PRRX2: variants seen among roughly 807,000 people sequenced by gnomAD.
The protein encoded by PRRX2 is paired related homeobox 2.
PRRX2 carries 11 observed loss-of-function variants against 18.0 expected under a neutral mutation model. That is an observed-to-expected ratio of 0.61 (90% CI 0.39 to 1.01). PRRX2 has a LOEUF of 1.01. Among genes scored for constraint, PRRX2 ranks in the 50% least tolerant of loss-of-function variants. PRRX2 has a pLI of 0.01. For missense variants in PRRX2, 387 were observed against 351.0 expected (o/e 1.10, Z -0.82); for synonymous variants, 177 against 154.8 (o/e 1.14, Z -1.06).
At chr9:129,719,486 G>A in intron 2 of PRRX2, 68 bp downstream of exon 2, 11 of 1,405,422 alleles carry the variant, frequency 7.8e-6, no homozygotes, top group Middle Eastern at 2.6e-4. Flanking sequence ...TGTTCACCCG[G>A]GATTACACAG....
At chr9:129,713,552 G>A (rs2130932194) in intron 1 of PRRX2, among the ~76,000 whole-genome samples, 2 of 152,338 alleles carry the variant, frequency 1.3e-5, no homozygotes, top group East Asian at 3.9e-4. Context: ...GGTAGAAGAG[G>A]GAGGAGGCCC....
rs76445215 is a variant in PRRX2 at position 129,701,739 on chromosome 9, A to G, written c.260-17492A>G. The stretch of plus-strand genomic sequence containing the variant: ...AGCTAGATACATGTGGACATGCAAC[A>G]AAAAGTATGCAAAGAATTAAACAGA... On this transcript the variant is annotated intron_variant, in intron 1 of 3. Transcript: ENST00000372469. 1.3e-3 allele frequency among the ~76,000 whole-genome samples: 196 copies of G among 152,372 alleles called. 1 individual carries two copies. Among genetic ancestry groups the G allele is most frequent in the African/African-American group, 4.5e-3 (187 of 41,586 alleles).
At chr9:129,670,355 A>G (rs913494237) in intron 1 of PRRX2, among the ~76,000 whole-genome samples, 12 of 151,980 alleles carry the variant, frequency 7.9e-5, no homozygotes, top group Admixed American at 5.9e-4. Context: ...GCTGCATTCT[A>G]TGGTAGTTCT....
chr9:129,698,536 G>A (rs1266265107), intron 1 of PRRX2, among the ~76,000 whole-genome samples: 1 of 152,212 alleles, frequency 6.6e-6, no homozygotes, highest in African/African-American at 2.4e-5. Flanking sequence ...TTCCGGAAAA[G>A]GGGAGCTGGG....
chr9:129,692,652 T>C (rs778834558), intron 1 of PRRX2, among the ~76,000 whole-genome samples: 2 of 152,246 alleles, frequency 1.3e-5, no homozygotes, highest in Admixed American at 6.5e-5. Context: ...AATCATACAG[T>C]ATGTAGCCTC....
chr9:129,672,894 A>G (rs1321008794), intron 1 of PRRX2, among the ~76,000 whole-genome samples: 8 of 149,754 alleles, frequency 5.3e-5, no homozygotes, highest in Non-Finnish European at 3.0e-5. Flanking sequence ...TCATTCATTC[A>G]TTCATTCATT....
intron 1 of PRRX2, among the ~76,000 whole-genome samples, chr9:129,704,929 A>G (rs1448056940): frequency 6.6e-6 from 1 of 152,224 alleles, no homozygotes; most frequent in Non-Finnish European, 1.5e-5. Flanking sequence ...GGCCCTGAGC[A>G]GAAAACTTCA....
At chr9:129,678,049 C>T (rs56117756) in intron 1 of PRRX2, among the ~76,000 whole-genome samples, 7,473 of 150,764 alleles carry the variant, frequency 0.05, 270 homozygotes, top group African/African-American at 0.095. Flanking sequence ...CTACAACCTC[C>T]GCCTCCAGGG....
intron 2 of PRRX2, 142 bp downstream of exon 2, chr9:129,719,560 GC>G (rs777239900): frequency 2.8e-5 from 31 of 1,109,514 alleles, no homozygotes; most frequent in Non-Finnish European, 3.7e-5. Flanking sequence ...TCAGATCCCA[GC>G]CCTGCCACTT....
intron 1 of PRRX2, among the ~76,000 whole-genome samples, chr9:129,667,557 A>G: frequency 6.6e-6 from 1 of 151,738 alleles, no homozygotes; most frequent in Non-Finnish European, 1.5e-5. Flanking sequence ...CAAGGAAAGG[A>G]GAGAGAGAGG....
intron 1 of PRRX2, among the ~76,000 whole-genome samples, chr9:129,705,615 A>G (rs1832547909): frequency 6.7e-6 from 1 of 150,168 alleles, no homozygotes; most frequent in Non-Finnish European, 1.5e-5. Context: ...TCGGCCTCCC[A>G]AAGTGCTGGG....
In PRRX2 at chr9:129,711,461, A is replaced by G. The variant is rs188793565; in HGVS notation, c.260-7770A>G. ...TGCTTCGTTGCCCAGGCTGGAGTGC[A>G]GTGACATGATCTCGGCTCACTGCAA... On this transcript the variant is annotated intron_variant, in intron 1 of 3. Coordinates refer to ENST00000372469, the MANE Select transcript of PRRX2 (RefSeq NM_016307.4). 1.0e-3 allele frequency among the ~76,000 whole-genome samples: 138 copies of G among 131,490 alleles called. 6 individuals carry two copies. The East Asian group carries it at 0.027, about 25-fold the overall frequency. The allele number at this position is 131,490 out of a possible 152,430, so 86.3% of individuals were successfully genotyped here. A position where few individuals can be genotyped will look rare whatever the true frequency, so the allele number is the denominator to read the frequency against.
Position 129,675,909 on chromosome 9 carries a change from TAGACTAACAAATAA to T in PRRX2, c.259+9784_259+9797del, listed in dbSNP as rs1201978658. 6.6e-6 allele frequency among the ~76,000 whole-genome samples: 1 copy of T among 152,134 alleles called. No homozygotes were observed. Among genetic ancestry groups the T allele is most frequent in the Non-Finnish European group, 1.5e-5 (1 of 68,012 alleles). On this transcript the variant is annotated intron_variant, in intron 1 of 3. Transcript: ENST00000372469. This position sits in a 1 kb window ranked among gnomAD's most constrained non-coding sequence, Gnocchi z 4.4. ...TGAAAGCCAGTGCACCTCCTTTCAT[TAGACTAACAAATAA>T]CGCGTAACAGAAAACAGCTGTTAAC...
At chr9:129,703,857 T>C (rs965545666) in intron 1 of PRRX2, among the ~76,000 whole-genome samples, 1 of 152,116 alleles carries the variant, frequency 6.6e-6, no homozygotes, top group Non-Finnish European at 1.5e-5. Context: ...CAGCGATGTT[T>C]AAAGTTGAGC....
intron 1 of PRRX2, among the ~76,000 whole-genome samples, chr9:129,704,549 C>G (rs560265616): frequency 5.3e-5 from 8 of 152,270 alleles, no homozygotes; most frequent in African/African-American, 1.9e-4. Context: ...AACCCGGGAA[C>G]AGAGATGGGA....
rs142417382 is a variant in PRRX2, at chr9:129,722,453, G to A, written c.*101G>A. ...ACCTTCTCCTGGATGAGCTCTCCTGGCCCGTCTGTCCAGCCTGGACTCCCG... is the reference window on the plus strand; with the variant it reads ...ACCTTCTCCTGGATGAGCTCTCCTGACCCGTCTGTCCAGCCTGGACTCCCG... On this transcript the variant is annotated 3_prime_UTR_variant, in exon 4 of 4. Transcript: ENST00000372469. The A allele has an allele frequency of 2.4e-3, 3,478 of 1,438,506 alleles. 65 individuals carry two copies. The East Asian group carries it at 0.035, about 14-fold the overall frequency. The allele number at this position is 1,438,506 out of a possible 1,614,324, so 89.1% of individuals were successfully genotyped here.
At chr9:129,668,938 G>A (rs540710666) in intron 1 of PRRX2, among the ~76,000 whole-genome samples, 60 of 151,950 alleles carry the variant, frequency 3.9e-4, no homozygotes, top group African/African-American at 1.2e-3. Context: ...CACAAGGTCA[G>A]GAGTTCAAGA....
intron 1 of PRRX2, among the ~76,000 whole-genome samples, chr9:129,713,945 C>T (rs1157521549): frequency 6.6e-6 from 1 of 151,706 alleles, no homozygotes; most frequent in Non-Finnish European, 1.5e-5. Context: ...ACCTGGCCAA[C>T]AGACATCGAT....
At chr9:129,700,658 C>G (rs1455178675) in intron 1 of PRRX2, among the ~76,000 whole-genome samples, 1 of 151,714 alleles carries the variant, frequency 6.6e-6, no homozygotes, top group Admixed American at 6.6e-5. Context: ...GAACCTGTCA[C>G]CCAGGCTGGA....
Sources: gnomAD v4.1 joint callset for allele counts (sites outside exome capture counted in the v4.1 genomes callset) on GRCh38, gnomAD v4.1.1 for gene constraint, Gnocchi (gnomAD v3.1) non-coding constraint, MANE v1.5 for transcripts, NCBI Gene and HGNC (gene_info 2026-07-23, HGNC 2026-07-21) for gene names.